SCHIP1: variants seen among roughly 807,000 people sequenced by gnomAD.
SCHIP1 encodes schwannomin-interacting protein 1.
A neutral mutation model predicts 29.7 loss-of-function variants in SCHIP1; 8 were observed. That is an observed-to-expected ratio of 0.27 (90% CI 0.16 to 0.49). The LOEUF is 0.49. Ranked by LOEUF, SCHIP1 falls within the 20% of genes least tolerant of loss-of-function variation. The pLI, the probability that SCHIP1 is intolerant of heterozygous loss-of-function variation, is 0.99. For missense variants in SCHIP1, 193 were observed against 294.6 expected, an observed-to-expected ratio of 0.66 and a Z score of 2.52; for synonymous variants, 76 against 94.9, an observed-to-expected ratio of 0.80 and a Z score of 1.16.
chr3:159,427,195 G>A, the SCHIP1 span, among the ~76,000 whole-genome samples: 1 of 151,716 alleles, frequency 6.6e-6, no homozygotes, highest in African/African-American at 2.4e-5. Flanking sequence ...GGAAGTTCTG[G>A]CCAGGGCAAT....
At chr3:159,569,767 G>C in the SCHIP1 span, among the ~76,000 whole-genome samples, 1 of 152,042 alleles carries the variant, frequency 6.6e-6, no homozygotes, top group Admixed American at 6.6e-5. Flanking sequence ...ATGGTTGAAC[G>C]AATTTACACT....
At chr3:159,610,638 A>G in the SCHIP1 span, among the ~76,000 whole-genome samples, 1 of 152,154 alleles carries the variant, frequency 6.6e-6, no homozygotes, top group East Asian at 1.9e-4. Flanking sequence ...TCTATTGACA[A>G]TATTCTTGTA....
At chr3:159,716,916 C>T in the SCHIP1 span, among the ~76,000 whole-genome samples, 1 of 152,180 alleles carries the variant, frequency 6.6e-6, no homozygotes, top group South Asian at 2.1e-4. Flanking sequence ...AACTCTCCTC[C>T]CCAAATCAAC....
chr3:159,562,284 T>C, the SCHIP1 span, among the ~76,000 whole-genome samples: 1 of 152,220 alleles, frequency 6.6e-6, no homozygotes, highest in East Asian at 1.9e-4. Flanking sequence ...TAATAAACAA[T>C]TATCCTTGAT....
the SCHIP1 span, among the ~76,000 whole-genome samples, chr3:159,626,602 C>A: frequency 6.6e-6 from 1 of 152,082 alleles, no homozygotes; most frequent in Admixed American, 6.6e-5. Context: ...AATTTATCCA[C>A]CAAACAAAGC....
At chr3:159,774,968 A>G in the SCHIP1 span, among the ~76,000 whole-genome samples, 2 of 151,442 alleles carry the variant, frequency 1.3e-5, no homozygotes, top group Non-Finnish European at 2.9e-5. Flanking sequence ...TTTTTCTTCC[A>G]TTTCTCAGAG....
chr3:159,819,055 T>A, the SCHIP1 span, among the ~76,000 whole-genome samples: 1 of 152,246 alleles, frequency 6.6e-6, no homozygotes, highest in Non-Finnish European at 1.5e-5. Context: ...GCATTGGGGC[T>A]GCAGTCATCT....
At chr3:159,391,326 T>C in the SCHIP1 span, among the ~76,000 whole-genome samples, 1 of 152,184 alleles carries the variant, frequency 6.6e-6, no homozygotes, top group South Asian at 2.1e-4. Flanking sequence ...CAGTTCAGGG[T>C]CTTCTTTTCT....
At chr3:159,835,180 T>G (rs752725851), upstream of SCHIP1, among the ~76,000 whole-genome samples, 14 of 152,218 alleles carry the variant, frequency 9.2e-5, no homozygotes, top group Non-Finnish European at 1.8e-4. Context: ...AATACTTCAT[T>G]TTTTCTAACA....
chr3:159,579,127 C>A, the SCHIP1 span, among the ~76,000 whole-genome samples: 1 of 152,118 alleles, frequency 6.6e-6, no homozygotes, highest in East Asian at 1.9e-4. Context: ...TATCGCAATG[C>A]AAATACAGGG....
At chr3:159,688,807 T>C in the SCHIP1 span, among the ~76,000 whole-genome samples, 1 of 152,224 alleles carries the variant, frequency 6.6e-6, no homozygotes, top group Non-Finnish European at 1.5e-5. Context: ...GTTCCAGTTT[T>C]CTGCATATGG....
At chr3:159,276,906 C>T in the SCHIP1 span, among the ~76,000 whole-genome samples, 2 of 152,316 alleles carry the variant, frequency 1.3e-5, no homozygotes, top group Non-Finnish European at 2.9e-5. Flanking sequence ...GGGACGAAGT[C>T]AGCCCACTTC....
At chr3:159,450,119 C>T in the SCHIP1 span, among the ~76,000 whole-genome samples, 1 of 152,096 alleles carries the variant, frequency 6.6e-6, no homozygotes, top group Non-Finnish European at 1.5e-5. Flanking sequence ...TCAAGTTCAA[C>T]GAATTGGTCT....
chr3:159,342,482 A>C, the SCHIP1 span, among the ~76,000 whole-genome samples: 1 of 152,246 alleles, frequency 6.6e-6, no homozygotes, highest in Non-Finnish European at 1.5e-5. Context: ...CATATAGTGC[A>C]GGAAATATCT....
At chr3:159,863,754 G>A (rs1033852773) in intron 1 of SCHIP1, among the ~76,000 whole-genome samples, 1 of 152,222 alleles carries the variant, frequency 6.6e-6, no homozygotes, top group Non-Finnish European at 1.5e-5. Flanking sequence ...GGGGGAAAGA[G>A]AGTGTATTAT....
chr3:159,277,468 A>T, the SCHIP1 span, among the ~76,000 whole-genome samples: 3 of 152,124 alleles, frequency 2.0e-5, no homozygotes, highest in Non-Finnish European at 4.4e-5. Context: ...ATTTTTTCTG[A>T]TGTCTTGGTG....
the SCHIP1 span, among the ~76,000 whole-genome samples, chr3:159,509,945 C>T: frequency 2.0e-5 from 3 of 152,072 alleles, no homozygotes; most frequent in Non-Finnish European, 4.4e-5. Context: ...AATTATGTGT[C>T]TTGGAGTTGC....
At chr3:159,420,224 G>T in the SCHIP1 span, among the ~76,000 whole-genome samples, 2 of 152,188 alleles carry the variant, frequency 1.3e-5, no homozygotes, top group African/African-American at 2.4e-5. Context: ...AAAGACAAGA[G>T]AAATGGCTGG....
At chr3:159,281,598 A>G in the SCHIP1 span, among the ~76,000 whole-genome samples, 14 of 152,292 alleles carry the variant, frequency 9.2e-5, no homozygotes, top group Admixed American at 7.8e-4. Flanking sequence ...AGCTATTTAC[A>G]TTTTAGAGCA....
Sources: allele counts gnomAD v4.1 joint callset (sites outside exome capture counted in the v4.1 genomes callset), GRCh38; gene constraint gnomAD v4.1.1; transcripts MANE v1.5; gene names NCBI Gene and HGNC (gene_info 2026-07-23, HGNC 2026-07-21).